Variants in UGGT2 observed in about 807,000 individuals in gnomAD.
UGGT2 encodes UDP-glucose glycoprotein glucosyltransferase 2, also known as UDP-glucose:glycoprotein glucosyltransferase 2.
A neutral mutation model predicts 192.1 loss-of-function variants in UGGT2; 180 were observed. That is an observed-to-expected ratio of 0.94 (90% CI 0.83 to 1.06). The LOEUF (loss-of-function observed/expected upper bound fraction) is 1.06. Among genes scored for constraint, UGGT2 ranks in the 50% least tolerant of loss-of-function variants. The probability of loss-of-function intolerance (pLI) is 0.00; values close to 1 mark genes in which losing one functional copy is unlikely to be tolerated. For missense variants in UGGT2, 1,849 were observed against 1,795.7 expected (o/e 1.03, Z -0.54); for synonymous variants, 580 against 591.0 (o/e 0.98, Z 0.27).
intron 12 of UGGT2, among the ~76,000 whole-genome samples, chr13:95,969,094 C>T (rs773764931): frequency 2.6e-5 from 4 of 152,138 alleles, no homozygotes; most frequent in Admixed American, 6.5e-5. Context: ...TTCCTCAGTC[C>T]GGAGATTCAG....
chr13:95,930,073 C>T (rs73560812), intron 17 of UGGT2, among the ~76,000 whole-genome samples: 2,783 of 152,210 alleles, frequency 0.018, 83 homozygotes, highest in African/African-American at 0.064. Context: ...TGGCCGCCTG[C>T]GTGTCTTCTT....
In UGGT2 at chr13:95,973,856, C is replaced by T. The variant is rs138484815; in HGVS notation, c.1093-1185G>A. 3.9e-5 allele frequency among the ~76,000 whole-genome samples: 6 copies of T among 152,332 alleles called. No homozygotes were observed. In the East Asian group the frequency reaches 1.2e-3, roughly 29 times the overall value. ...AATGGGAATAATTATATCTATCTCA[C>T]ATGTTTGCTATAGTTTAAATGTAAT... is the stretch of plus-strand genomic sequence containing the variant. On this transcript the variant is annotated intron_variant, in intron 10 of 38. Coordinates refer to ENST00000376747, the MANE Select transcript of UGGT2 (RefSeq NM_020121.4).
At chr13:96,027,732 A>G (rs147975293) in intron 2 of UGGT2, among the ~76,000 whole-genome samples, 1,789 of 152,326 alleles carry the variant, frequency 0.012, 36 homozygotes, top group African/African-American at 0.041. Flanking sequence ...AAACTCAGAA[A>G]TTAGATAACC....
At chr13:95,867,452 AATTT>A (rs767124689) in intron 29 of UGGT2, 29 bp from the exon 30 acceptor site, 3 of 1,545,370 alleles carry the variant, frequency 1.9e-6, no homozygotes, top group East Asian at 2.3e-5. Context: ...GTCCATAATT[AATTT>A]AAGAATAGAC....
At chr13:95,927,470 C>CTT (rs869027577) in intron 17 of UGGT2, 134 bp from the exon 18 acceptor site, 321 of 243,004 alleles carry the variant, frequency 1.3e-3, no homozygotes, top group Middle Eastern at 2.8e-3. Flanking sequence ...CATTTTCTTT[C>CTT]TTTTTTTTTT....
At chr13:95,824,607 C>T (rs928293590) in intron 38 of UGGT2, among the ~76,000 whole-genome samples, 1 of 151,998 alleles carries the variant, frequency 6.6e-6, no homozygotes, top group Admixed American at 6.6e-5. Context: ...TTTTATAGTT[C>T]CCTAAGCATG....
intron 38 of UGGT2, among the ~76,000 whole-genome samples, chr13:95,804,163 A>G (rs931387946): frequency 3.9e-5 from 6 of 152,180 alleles, no homozygotes; most frequent in African/African-American, 1.2e-4. Context: ...AAGAGAAAAT[A>G]TAAGTACAAA....
intron 20 of UGGT2, among the ~76,000 whole-genome samples, chr13:95,918,934 GT>G (rs2048761163): frequency 6.6e-6 from 1 of 152,102 alleles, no homozygotes. Context: ...AAAACTTCAT[GT>G]CAATACCATT....
chr13:96,025,946 G>A (rs2052650893), intron 2 of UGGT2, among the ~76,000 whole-genome samples: 1 of 151,928 alleles, frequency 6.6e-6, no homozygotes, highest in African/African-American at 2.4e-5. Flanking sequence ...AAGGAGAGAA[G>A]GGAAAAATGA....
intron 34 of UGGT2, 144 bp downstream of exon 34, chr13:95,856,014 A>C: frequency 1.6e-6 from 1 of 629,868 alleles, no homozygotes; most frequent in Non-Finnish European, 2.5e-6. Flanking sequence ...TTGTTTTTAA[A>C]GATACTTTGC....
chr13:95,854,526 C>CTTTTTTATGGGAAT, intron 34 of UGGT2, 51 bp from the exon 35 acceptor site: 2 of 1,450,664 alleles, frequency 1.4e-6, no homozygotes, highest in Admixed American at 5.0e-5. Flanking sequence ...TAACATAAGC[C>CTTTTTTATGGGAAT]CTTTTTTATG....
chr13:95,958,059 T>G (rs1397138817), intron 12 of UGGT2, among the ~76,000 whole-genome samples: 1 of 152,168 alleles, frequency 6.6e-6, no homozygotes, highest in Non-Finnish European at 1.5e-5. Context: ...AACTACTTAG[T>G]AATTTGTTAT....
chr13:95,809,241 A>C, intron 38 of UGGT2: 1 of 572,244 alleles, frequency 1.7e-6, no homozygotes, highest in Non-Finnish European at 3.1e-6. Flanking sequence ...TAGTTGATAA[A>C]AATATTCCTC....
At chr13:96,022,103 C>A (rs1418705908) in intron 4 of UGGT2, among the ~76,000 whole-genome samples, 2 of 151,782 alleles carry the variant, frequency 1.3e-5, no homozygotes, top group Non-Finnish European at 2.9e-5. Flanking sequence ...CAGTATGGCA[C>A]TACTATAAGA....
chr13:95,912,285 G>A (rs527308254), intron 20 of UGGT2, among the ~76,000 whole-genome samples: 1 of 152,298 alleles, frequency 6.6e-6, no homozygotes, highest in South Asian at 2.1e-4. Context: ...TAGAAAATGA[G>A]AAAGTCAAAT....
chr13:95,969,221 T>C (rs2050687476), intron 12 of UGGT2, among the ~76,000 whole-genome samples: 1 of 152,166 alleles, frequency 6.6e-6, no homozygotes, highest in Admixed American at 6.5e-5. Flanking sequence ...TTGCCCACAT[T>C]GTCATATATC....
intron 12 of UGGT2, among the ~76,000 whole-genome samples, chr13:95,954,133 C>A (rs1039627804): frequency 1.3e-5 from 2 of 152,138 alleles, no homozygotes; most frequent in African/African-American, 4.8e-5. Flanking sequence ...TAGTTTCATA[C>A]ACACAATTTA....
At chr13:95,980,606 A>G (rs2051088615) in intron 10 of UGGT2, among the ~76,000 whole-genome samples, 1 of 152,224 alleles carries the variant, frequency 6.6e-6, no homozygotes, top group African/African-American at 2.4e-5. Flanking sequence ...TACTGAAATT[A>G]AAACAAACAA....
chr13:95,887,425 T>A (rs2047676717), intron 26 of UGGT2: 1 of 403,764 alleles, frequency 2.5e-6, no homozygotes, highest in Non-Finnish European at 5.0e-6. Context: ...AACAGAAGAG[T>A]GTTAATGAGG....
Sources: allele counts gnomAD v4.1 joint callset (sites outside exome capture counted in the v4.1 genomes callset), GRCh38; gene constraint gnomAD v4.1.1; transcripts MANE v1.5; gene names NCBI Gene and HGNC (gene_info 2026-07-23, HGNC 2026-07-21).